The following ARHGAP35 variants were observed in gnomAD, a reference collection of about 807,000 sequenced individuals.
ARHGAP35 encodes Rho GTPase activating protein 35.
ARHGAP35 carries 15 observed loss-of-function variants against 111.1 expected under a neutral mutation model. That is an observed-to-expected ratio of 0.13 (90% CI 0.09 to 0.21). ARHGAP35 has a LOEUF of 0.21. Among genes scored for constraint, ARHGAP35 ranks in the 10% least tolerant of loss-of-function variants. ARHGAP35 has a pLI of 1.00. For synonymous variants in ARHGAP35, 643 were observed against 710.3 expected, an observed-to-expected ratio of 0.91 and a Z score of 1.51; for missense variants, 1,262 against 1,873.0, an observed-to-expected ratio of 0.67 and a Z score of 6.02.
chr19:46,924,814 G>T (rs1261352488), intron 2 of ARHGAP35, among the ~76,000 whole-genome samples: 1 of 152,178 alleles, frequency 6.6e-6, no homozygotes, highest in Non-Finnish European at 1.5e-5. Context: ...AATTAGGAAG[G>T]TGGCATAATA....
At chr19:46,872,875 C>T (rs867090349) in intron 1 of ARHGAP35, among the ~76,000 whole-genome samples, 41 of 111,198 alleles carry the variant, frequency 3.7e-4, no homozygotes, top group African/African-American at 1.2e-3. Flanking sequence ...AGCAAGACTC[C>T]GTCTCAAAAA....
At position 46,944,398 on chromosome 19, in the gene ARHGAP35, C is replaced by A. The variant is rs145616272; in HGVS notation, c.3826+6990C>A. 2.4e-4 allele frequency among the ~76,000 whole-genome samples: 36 copies of A among 152,186 alleles called. 1 individual carries two copies. The East Asian group carries it at 6.6e-3, about 28-fold the overall frequency. On this transcript the variant is annotated intron_variant, in intron 3 of 6. Transcript: ENST00000672722. Reference sequence around the variant, plus strand: ...AGTAAAAATTCTTTATAATCCCAGTCTCCAGGAGTCATCTCATTAATGTAC... The same window carrying A: ...AGTAAAAATTCTTTATAATCCCAGTATCCAGGAGTCATCTCATTAATGTAC...
chr19:46,891,434 G>GTT lies in ARHGAP35; in HGVS notation c.-188-27043_-188-27042dup, dbSNP rs559523497. On this transcript the variant is annotated intron_variant, in intron 1 of 6. Coordinates refer to ENST00000672722, the MANE Select transcript of ARHGAP35 (RefSeq NM_004491.5). ...TTGCTAGGGCAAGTTTTTTTTTTTT[G>GTT]TTTTTTTTTTTTAGATGGAGTCTCG... is the stretch of plus-strand genomic sequence containing the variant. Among the ~76,000 whole-genome samples the GTT allele has an allele frequency of 9.8e-4, 133 of 135,784 alleles. 1 individual carries two copies. Among genetic ancestry groups the GTT allele is most frequent in the East Asian group, 1.7e-3 (8 of 4,798 alleles). The allele number at this position is 135,784 out of a possible 152,430, so 89.1% of individuals were successfully genotyped here. A position where few individuals can be genotyped will look rare whatever the true frequency, so the allele number is the denominator to read the frequency against.
chr19:46,882,709 GT>G (rs1426528016), intron 1 of ARHGAP35, among the ~76,000 whole-genome samples: 1 of 152,024 alleles, frequency 6.6e-6, no homozygotes, highest in African/African-American at 2.4e-5. Flanking sequence ...GTGTCCATAT[GT>G]TCTCATTGTT....
At chr19:46,863,877 C>T (rs752723841) in intron 1 of ARHGAP35, among the ~76,000 whole-genome samples, 1 of 152,152 alleles carries the variant, frequency 6.6e-6, no homozygotes, top group Admixed American at 6.5e-5. Flanking sequence ...TCATCTTTGC[C>T]CCGGGAAAGG....
chr19:46,921,392 C>A lies in ARHGAP35; in HGVS notation c.2717C>A (p.Thr906Asn). Residue 906 changes from threonine (T) to asparagine (N), a missense_variant, in exon 2 of 7, where the codon ACT (threonine) becomes AAT (asparagine). Thr to Asn is a moderately conservative substitution (Grantham distance 65). This residue lies in a region of ARHGAP35 where 579 missense variants were observed against 716.9 expected (regional missense o/e 0.81). Transcript: ENST00000672722. This position sits in a 1 kb window ranked among gnomAD's most constrained non-coding sequence, Gnocchi z 4.3. Reference protein sequence around the residue: ...LDNDLSREQLTEGEEIAQEID... With the variant: ...LDNDLSREQLNEGEEIAQEID... ...AATGACTTAAGTAGGGAACAGCTAACTGAGGGGGAGGAGATTGCTCAAGAA... is the reference window on the plus strand; with the variant it reads ...AATGACTTAAGTAGGGAACAGCTAAATGAGGGGGAGGAGATTGCTCAAGAA... The A allele has an allele frequency of 6.2e-7, 1 of 1,613,974 alleles. No homozygotes were observed. Among genetic ancestry groups the A allele is most frequent in the Non-Finnish European group, 8.5e-7 (1 of 1,179,900 alleles).
chr19:46,910,330 G>A (rs907829806), intron 1 of ARHGAP35, among the ~76,000 whole-genome samples: 15 of 151,818 alleles, frequency 9.9e-5, no homozygotes, highest in African/African-American at 7.3e-5. Flanking sequence ...TCACTCTGCT[G>A]CCCAGGCTGA....
chr19:46,969,958 C>T (rs1032291150), intron 3 of ARHGAP35, among the ~76,000 whole-genome samples: 4 of 152,222 alleles, frequency 2.6e-5, no homozygotes, highest in African/African-American at 7.2e-5. Context: ...GCCTTTGCTC[C>T]GCTGCCTGGC....
At chr19:46,891,055 C>G (rs1252401812) in intron 1 of ARHGAP35, among the ~76,000 whole-genome samples, 1 of 152,162 alleles carries the variant, frequency 6.6e-6, no homozygotes, top group South Asian at 2.1e-4. Flanking sequence ...CTTTGGAAAT[C>G]AAAATACCAG....
At chr19:46,950,388 C>T (rs2056404600) in intron 3 of ARHGAP35, among the ~76,000 whole-genome samples, 1 of 152,144 alleles carries the variant, frequency 6.6e-6, no homozygotes, top group African/African-American at 2.4e-5. Flanking sequence ...GTGAACATTC[C>T]TGTACATGAA....
At chr19:46,923,405 C>T (rs2056217764) in intron 2 of ARHGAP35, among the ~76,000 whole-genome samples, 1 of 152,118 alleles carries the variant, frequency 6.6e-6, no homozygotes, top group Non-Finnish European at 1.5e-5. Flanking sequence ...TGAGCCACCG[C>T]GCCCGGCTGC....
At position 46,918,267 on chromosome 19, in the gene ARHGAP35, T is replaced by G. The variant is rs1465139235; in HGVS notation, c.-188-221T>G. Among the ~76,000 whole-genome samples the G allele has an allele frequency of 6.6e-6, 1 of 152,200 alleles. No homozygotes were observed. The highest frequency in any genetic ancestry group is 6.5e-5 in the Admixed American group (1 of 15,274). ...TTGTTTTAGCACTTAGCACACTGTT[T>G]ACTTATGTTTTCCTCCACTGGACTA... On this transcript the variant is annotated intron_variant, in intron 1 of 6. Coordinates refer to ENST00000672722, the MANE Select transcript of ARHGAP35 (RefSeq NM_004491.5). This position sits in a 1 kb window ranked among gnomAD's most constrained non-coding sequence, Gnocchi z 5.4.
chr19:46,973,807 G>GAAACCCCATCTCTACT (rs913867600), intron 3 of ARHGAP35, among the ~76,000 whole-genome samples: 6 of 152,006 alleles, frequency 3.9e-5, no homozygotes, highest in African/African-American at 1.5e-4. Context: ...CCAATATGGT[G>GAAACCCCATCTCTACT]AAACCCCATC....
intron 2 of ARHGAP35, among the ~76,000 whole-genome samples, chr19:46,929,364 T>C (rs909465136): frequency 6.6e-6 from 1 of 152,132 alleles, no homozygotes. Flanking sequence ...GAATACTGAA[T>C]GCAAGAAAGT....
Position 47,001,964 on chromosome 19 carries a change from C to G in ARHGAP35, c.*1276C>G, listed in dbSNP as rs2056750989. On this transcript the variant is annotated 3_prime_UTR_variant, in exon 7 of 7. Coordinates refer to ENST00000672722, the MANE Select transcript of ARHGAP35 (RefSeq NM_004491.5). The surrounding 1 kb of genome is among the most constrained non-coding windows in gnomAD (Gnocchi z 5.4). ...CTGCTGGTGCCCTCGAAGGGGCATC[C>G]TTCCTGGTCTTCGCTGACCCAGAGG... 1 of 154,966 alleles carries G rather than the reference C, an allele frequency of 6.5e-6. No individual in the cohort carries two copies. The highest frequency in any genetic ancestry group is 2.0e-4 in the South Asian group (1 of 5,010). 9.6% of individuals were successfully genotyped at this position (154,966 alleles called of 1,614,324 possible).
Position 46,921,876 on chromosome 19 carries a change from G to A in ARHGAP35, c.3201G>A (p.Gln1067=), listed in dbSNP as rs772030702. The change falls in exon 2 of 7, where the codon CAG becomes CAA. Residue 1067 remains glutamine, a synonymous_variant. Transcript: ENST00000672722. The surrounding 1 kb of genome is among the most constrained non-coding windows in gnomAD (Gnocchi z 4.3). The part of the protein sequence containing the change: ...SYLDQGHRDG[Q]RKSVSSSPWL... ...TAGACCAAGGCCATAGGGATGGACA[G>A]AGGAAGTCTGTGTCTTCTAGCCCCT... The A allele has an allele frequency of 5.6e-6, 9 of 1,613,906 alleles. No individual in the cohort carries two copies. The highest frequency in any genetic ancestry group is 7.6e-6 in the Non-Finnish European group (9 of 1,179,904).
chr19:46,894,606 C>T (rs2056044068), intron 1 of ARHGAP35, among the ~76,000 whole-genome samples: 2 of 151,942 alleles, frequency 1.3e-5, no homozygotes, highest in African/African-American at 2.4e-5. Flanking sequence ...CCACCACACC[C>T]AGCTAATTTT....
rs923415995 is a variant in ARHGAP35 at position 46,884,493 on chromosome 19, C to CTTT, written c.-189+23305_-189+23307dup. ...TCATCTATAAAATAATGATGATATC[C>CTTT]TTTTTTTTTTTTTTTTTTTTTTTCC... On this transcript the variant is annotated intron_variant, in intron 1 of 6. Coordinates refer to ENST00000672722, the MANE Select transcript of ARHGAP35 (RefSeq NM_004491.5). Among the ~76,000 whole-genome samples, 156 of 111,896 alleles carry CTTT rather than the reference C, an allele frequency of 1.4e-3. 2 individuals are homozygous for CTTT. Among genetic ancestry groups the CTTT allele is most frequent in the African/African-American group, 5.1e-3 (147 of 29,064 alleles). The allele number at this position is 111,896 out of a possible 152,430, so 73.4% of individuals were successfully genotyped here.
chr19:46,898,351 C>CT (rs1189539261), intron 1 of ARHGAP35, among the ~76,000 whole-genome samples: 1 of 151,636 alleles, frequency 6.6e-6, no homozygotes, highest in Non-Finnish European at 1.5e-5. Flanking sequence ...AAAAAATATA[C>CT]TTATTGACTT....
Sources: gnomAD v4.1 joint callset for allele counts (sites outside exome capture counted in the v4.1 genomes callset) on GRCh38, gnomAD v4.1.1 for gene constraint, gnomAD v4.1.1 regional missense constraint, Gnocchi (gnomAD v3.1) non-coding constraint, MANE v1.5 for transcripts, NCBI Gene and HGNC (gene_info 2026-07-23, HGNC 2026-07-21) for gene names.